Variants in XPO4 observed in about 807,000 individuals in gnomAD.
The protein encoded by XPO4 is exportin 4.
XPO4 carries 39 observed loss-of-function variants against 143.0 expected under a neutral mutation model. The ratio of observed to expected loss-of-function variants is 0.27; its 90% CI spans 0.21 to 0.36. XPO4 has a LOEUF of 0.36. Among genes scored for constraint, XPO4 ranks in the 10% least tolerant of loss-of-function variants. The pLI, the probability that XPO4 is intolerant of heterozygous loss-of-function variation, is 1.00. For synonymous variants in XPO4, 439 were observed against 474.0 expected, an observed-to-expected ratio of 0.93 and a Z score of 0.96; for missense variants, 907 against 1,348.0, an observed-to-expected ratio of 0.67 and a Z score of 5.12.
Position 20,782,795 on chromosome 13 carries a change from A to G in XPO4, c.*927T>C, listed in dbSNP as rs2141463412. On this transcript the variant is annotated 3_prime_UTR_variant, in exon 23 of 23. Coordinates refer to ENST00000255305, the MANE Select transcript of XPO4 (RefSeq NM_022459.5). ...CAAGACGTGGTTTCTTACTAAAACA[A>G]ATCAGCTGTTTTTGTATTTTCCTCT... The G allele has an allele frequency of 6.5e-6, 1 of 152,734 alleles. No individual in the cohort carries two copies. The highest frequency in any genetic ancestry group is 1.5e-5 in the Non-Finnish European group (1 of 68,028). 9.5% of individuals were successfully genotyped at this position (152,734 alleles called of 1,614,324 possible).
intron 1 of XPO4, among the ~76,000 whole-genome samples, chr13:20,891,641 C>T (rs1305512084): frequency 6.6e-6 from 1 of 151,732 alleles, no homozygotes; most frequent in Non-Finnish European, 1.5e-5. Flanking sequence ...GGCAGGCGGA[C>T]TGCCTGAGCT....
intron 3 of XPO4, among the ~76,000 whole-genome samples, chr13:20,860,667 A>G (rs1025490286): frequency 3.3e-5 from 5 of 152,216 alleles, no homozygotes; most frequent in Admixed American, 3.3e-4. Context: ...AAATATGGTC[A>G]AATAAAAACA....
intron 1 of XPO4, among the ~76,000 whole-genome samples, chr13:20,879,958 C>T (rs1323969094): frequency 1.3e-5 from 2 of 152,174 alleles, no homozygotes; most frequent in East Asian, 3.9e-4. Flanking sequence ...CCAAGAAGCA[C>T]ATGAAAAGAT....
chr13:20,875,058 T>G (rs1243140772), intron 1 of XPO4, among the ~76,000 whole-genome samples: 3 of 152,108 alleles, frequency 2.0e-5, no homozygotes, highest in Non-Finnish European at 4.4e-5. Flanking sequence ...CAGCAGAAAA[T>G]TGACTAAGAC....
intron 18 of XPO4, among the ~76,000 whole-genome samples, chr13:20,795,039 A>T (rs2059338706): frequency 6.6e-6 from 1 of 152,142 alleles, no homozygotes; most frequent in African/African-American, 2.4e-5. Flanking sequence ...GGTCCAGTGA[A>T]TAAGGAATAC....
intron 4 of XPO4, among the ~76,000 whole-genome samples, chr13:20,855,193 C>T (rs868202348): frequency 2.0e-4 from 31 of 152,240 alleles, no homozygotes; most frequent in African/African-American, 5.8e-4. Context: ...CAGTGGCTCA[C>T]ACCTGTAATA....
intron 1 of XPO4, among the ~76,000 whole-genome samples, chr13:20,884,316 G>A (rs1240560231): frequency 6.6e-6 from 1 of 152,180 alleles, no homozygotes; most frequent in Non-Finnish European, 1.5e-5. Flanking sequence ...GGCAAAGGGT[G>A]CAGTGAGACA....
chr13:20,854,508 A>G (rs944762857), intron 4 of XPO4, among the ~76,000 whole-genome samples: 4 of 152,236 alleles, frequency 2.6e-5, no homozygotes, highest in Admixed American at 2.0e-4. Context: ...TATAAGGTAC[A>G]TAGCCTCACA....
chr13:20,841,784 T>C (rs2059977052), intron 6 of XPO4, among the ~76,000 whole-genome samples: 1 of 151,876 alleles, frequency 6.6e-6, no homozygotes, highest in Non-Finnish European at 1.5e-5. Context: ...TCTGTATATG[T>C]AAATGTAGCT....
intron 1 of XPO4, among the ~76,000 whole-genome samples, chr13:20,873,652 A>G (rs774265823): frequency 3.9e-5 from 6 of 152,068 alleles, no homozygotes; most frequent in Non-Finnish European, 8.8e-5. Flanking sequence ...TCTTTTTTTG[A>G]GACAGAGTCA....
At chr13:20,811,494 G>T (rs554560907) in intron 9 of XPO4, among the ~76,000 whole-genome samples, 1 of 152,062 alleles carries the variant, frequency 6.6e-6, no homozygotes, top group African/African-American at 2.4e-5. Flanking sequence ...TGCCATGTTG[G>T]CCAGGATGGT....
intron 18 of XPO4, among the ~76,000 whole-genome samples, chr13:20,793,497 T>C (rs1595058781): frequency 1.3e-5 from 2 of 152,334 alleles, no homozygotes; most frequent in East Asian, 3.9e-4. Context: ...AGCTGCACCA[T>C]AAACCTGGGA....
chr13:20,848,469 A>C, intron 4 of XPO4: 1 of 985,446 alleles, frequency 1.0e-6, no homozygotes, highest in Non-Finnish European at 1.2e-6. Context: ...AAATTGCATA[A>C]TGCTTAAAAA....
At chr13:20,882,129 A>AAAAAAAAAAAAAG (rs2060417320) in intron 1 of XPO4, among the ~76,000 whole-genome samples, 1 of 148,716 alleles carries the variant, frequency 6.7e-6, no homozygotes, top group African/African-American at 2.5e-5. Context: ...AAAAAAAAAG[A>AAAAAAAAAAAAAG]AAGAAAGAAA....
chr13:20,804,302 A>T (rs1412259368), intron 13 of XPO4, among the ~76,000 whole-genome samples: 1 of 151,058 alleles, frequency 6.6e-6, no homozygotes, highest in East Asian at 1.9e-4. Context: ...TGTTCCTCCT[A>T]TTTTCTTATT....
chr13:20,851,811 A>G, intron 4 of XPO4: 1 of 985,396 alleles, frequency 1.0e-6, no homozygotes, highest in Non-Finnish European at 1.2e-6. Context: ...ACATTTATCC[A>G]CTATTCTCAA....
At chr13:20,876,659 T>C (rs2060356316) in intron 1 of XPO4, among the ~76,000 whole-genome samples, 1 of 152,150 alleles carries the variant, frequency 6.6e-6, no homozygotes, top group South Asian at 2.1e-4. Flanking sequence ...TTTTAAAAAT[T>C]AGTAAATTGA....
At chr13:20,792,991 TG>T (rs1467852721) in intron 18 of XPO4, among the ~76,000 whole-genome samples, 1 of 152,018 alleles carries the variant, frequency 6.6e-6, no homozygotes, top group Non-Finnish European at 1.5e-5. Flanking sequence ...GGTTTCTCCA[TG>T]TTGGCCTGGC....
rs938137397 is a variant in XPO4, at chr13:20,778,333, T to C, written c.*5389A>G. The stretch of plus-strand genomic sequence containing the variant: ...TCTCAATATAAGCTAAATAACAACA[T>C]TACAAATCAAAGAATATTCAAAGCA... On this transcript the variant is annotated 3_prime_UTR_variant, in exon 23 of 23. Transcript: ENST00000255305. 6.6e-6 allele frequency: 1 copy of C among 152,152 alleles called. No individual in the cohort carries two copies. Among genetic ancestry groups the C allele is most frequent in the South Asian group, 2.1e-4 (1 of 4,832 alleles). The allele number at this position is 152,152 out of a possible 1,614,324, so 9.4% of individuals were successfully genotyped here.
Sources: gnomAD v4.1 joint callset for allele counts (sites outside exome capture counted in the v4.1 genomes callset) on GRCh38, gnomAD v4.1.1 for gene constraint, MANE v1.5 for transcripts, NCBI Gene and HGNC (gene_info 2026-07-23, HGNC 2026-07-21) for gene names.